The following MAP9 variants were observed in gnomAD, a reference collection of about 807,000 sequenced individuals.
The protein encoded by MAP9 is microtubule-associated protein 9.
A neutral mutation model predicts 75.2 loss-of-function variants in MAP9; 80 were observed. The ratio of observed to expected loss-of-function variants is 1.06; its 90% CI spans 0.89 to 1.28. The LOEUF is 1.28. Among genes scored for constraint, MAP9 ranks in the 50% most tolerant of loss-of-function variants. The pLI, the probability that MAP9 is intolerant of heterozygous loss-of-function variation, is 0.00. For synonymous variants in MAP9, 235 were observed against 237.3 expected (o/e 0.99, Z 0.09); for missense variants, 753 against 719.9 (o/e 1.05, Z -0.53).
At chr4:155,371,401 A>T (rs558926111) in intron 4 of MAP9, among the ~76,000 whole-genome samples, 1 of 152,074 alleles carries the variant, frequency 6.6e-6, no homozygotes, top group African/African-American at 2.4e-5. Context: ...TATATGCCAG[A>T]TATTATCTTA....
At position 155,342,859 on chromosome 4, in the gene MAP9, T is replaced by C. The variant is rs1731162718; in HGVS notation, c.*4924A>G. 6.6e-6 allele frequency: 1 copy of C among 152,010 alleles called. No individual in the cohort carries two copies. Among genetic ancestry groups the C allele is most frequent in the Non-Finnish European group, 1.5e-5 (1 of 67,952 alleles). 9.4% of individuals were successfully genotyped at this position (152,010 alleles called of 1,614,324 possible). ...ATTGTAATACTAGATACAAGATGTCTGAATAACTCCTTACATTTATAAATT... is the reference window on the plus strand; with the variant it reads ...ATTGTAATACTAGATACAAGATGTCCGAATAACTCCTTACATTTATAAATT... On this transcript the variant is annotated 3_prime_UTR_variant, in exon 14 of 14. Coordinates refer to ENST00000311277, the MANE Select transcript of MAP9 (RefSeq NM_001039580.2).
intron 4 of MAP9, among the ~76,000 whole-genome samples, chr4:155,369,566 G>A (rs1303998476): frequency 2.0e-5 from 3 of 152,080 alleles, no homozygotes; most frequent in South Asian, 2.1e-4. Flanking sequence ...CCCTGTACAC[G>A]TTACTAAACC....
At chr4:155,374,502 C>T (rs922528058) in intron 3 of MAP9, among the ~76,000 whole-genome samples, 8 of 152,070 alleles carry the variant, frequency 5.3e-5, no homozygotes, top group South Asian at 2.1e-4. Context: ...CCCCTTATCA[C>T]AGCCAAAAAA....
At chr4:155,374,605 CTAGGGTTGATCT>C in intron 3 of MAP9, among the ~76,000 whole-genome samples, 1 of 152,226 alleles carries the variant, frequency 6.6e-6, no homozygotes, top group African/African-American at 2.4e-5. Flanking sequence ...GTAGCACCTC[CTAGGGTTGATCT>C]TAAAGATGAA....
chr4:155,355,741 T>G lies in MAP9; in HGVS notation c.1265A>C (p.Asp422Ala). The change falls in exon 9 of 14, where the codon GAT becomes GCT. Residue 422 changes from aspartate to alanine, a missense_variant. By Grantham distance (126) the Asp-to-Ala change is moderately radical (BLOSUM62 -2). Coordinates refer to ENST00000311277, the MANE Select transcript of MAP9 (RefSeq NM_001039580.2). ...QKQSIEPDRA[D>A]NIRAAVYQEW... ...CTGATAAACAGCTGCCCTTATGTTA[T>G]CTGCTCTATCAGGTTCTATGCTCTG... 1.2e-6 allele frequency: 2 copies of G among 1,611,432 alleles called. No individual in the cohort carries two copies. Among genetic ancestry groups the G allele is most frequent in the Non-Finnish European group, 1.7e-6 (2 of 1,179,306 alleles).
At chr4:155,363,846 A>C (rs1732200616) in intron 5 of MAP9, among the ~76,000 whole-genome samples, 1 of 152,184 alleles carries the variant, frequency 6.6e-6, no homozygotes, top group Admixed American at 6.5e-5. Flanking sequence ...AAGAAATATA[A>C]ACAGAATCTC....
rs1731192940 is a variant in MAP9 at position 155,343,830 on chromosome 4, A to C, written c.*3953T>G. On this transcript the variant is annotated 3_prime_UTR_variant, in exon 14 of 14. Coordinates refer to ENST00000311277, the MANE Select transcript of MAP9 (RefSeq NM_001039580.2). Reference sequence around the variant, plus strand: ...AATTACATGTAATATACATATTCAAAATGGCATAATCACATGAAATTTTAA... The same window carrying C: ...AATTACATGTAATATACATATTCAACATGGCATAATCACATGAAATTTTAA... The C allele has an allele frequency of 6.6e-6, 1 of 151,938 alleles. No homozygotes were observed. Among genetic ancestry groups the C allele is most frequent in the South Asian group, 2.1e-4 (1 of 4,824 alleles). The allele number at this position is 151,938 out of a possible 1,614,324, so 9.4% of individuals were successfully genotyped here. A position where few individuals can be genotyped will look rare whatever the true frequency, so the allele number is the denominator to read the frequency against.
rs1307263102 is a variant in MAP9, at chr4:155,345,753, GTAAA to G, written c.*2026_*2029del. On this transcript the variant is annotated 3_prime_UTR_variant, in exon 14 of 14. Transcript: ENST00000311277. ...ATAATGTAGAAGAAAATAATGGAAA[GTAAA>G]TAAATAATGTGAAATCTATAAGATA... 2 of 152,206 alleles carry G rather than the reference GTAAA, an allele frequency of 1.3e-5. No homozygotes were observed. Among genetic ancestry groups the G allele is most frequent in the Admixed American group, 1.3e-4 (2 of 15,274 alleles). The allele number at this position is 152,206 out of a possible 1,614,324, so 9.4% of individuals were successfully genotyped here.
intron 6 of MAP9, 111 bp from the exon 7 acceptor site, chr4:155,360,526 T>C: frequency 9.7e-7 from 1 of 1,034,050 alleles, no homozygotes; most frequent in Non-Finnish European, 1.4e-6. Context: ...TCTTTTTTCT[T>C]GCAAAATATG....
rs1429035853 is a variant in MAP9, at chr4:155,373,341, C to CA, written c.275dup (p.Leu92PhefsTer5). The CA allele has an allele frequency of 1.9e-6, 3 of 1,613,198 alleles. No homozygotes were observed. Among genetic ancestry groups the CA allele is most frequent in the Admixed American group, 3.3e-5 (2 of 59,928 alleles). On this transcript the variant is annotated frameshift_variant, in exon 4 of 14. Coordinates refer to ENST00000311277, the MANE Select transcript of MAP9 (RefSeq NM_001039580.2). LOFTEE classifies it high-confidence loss of function. Reference sequence around the variant, plus strand: ...TGTTACCGTTTGATTTATTGGTTTTCAAAAACAATAGTTTTGAAGGATTCT... The same window carrying CA: ...TGTTACCGTTTGATTTATTGGTTTTCAAAAAACAATAGTTTTGAAGGATTCT...
At position 155,355,849 on chromosome 4, in the gene MAP9, G is replaced by C. The variant is rs1304946533; in HGVS notation, c.1157C>G (p.Ser386Cys). 4 of 1,613,488 alleles carry C rather than the reference G, an allele frequency of 2.5e-6. No homozygotes were observed. The highest frequency in any genetic ancestry group is 2.5e-6 in the Non-Finnish European group (3 of 1,179,712). The change falls in exon 9 of 14, where the codon TCT (serine) becomes TGT (cysteine). Residue 386 changes from serine (S) to cysteine (C), a missense_variant. By Grantham distance (112) the Ser-to-Cys change is moderately radical (BLOSUM62 -1). Coordinates refer to ENST00000311277, the MANE Select transcript of MAP9 (RefSeq NM_001039580.2). ...AGTTGTCGATGGAGTTCTCCTTTTA[G>C]AACTAGATTTCTTCAAAAACTCAGA... ...MTSEFLKKSS[S>C]KRRTPSTTTS...
Position 155,373,336 on chromosome 4 carries a change from G to A in MAP9, c.281C>T (p.Thr94Ile). 6.2e-7 allele frequency: 1 copy of A among 1,613,144 alleles called. No individual in the cohort carries two copies. The highest frequency in any genetic ancestry group is 8.5e-7 in the Non-Finnish European group (1 of 1,179,654). ...GGTTATGTTACCGTTTGATTTATTG[G>A]TTTTCAAAAACAATAGTTTTGAAGG... ...KNPSKLLFLK[T>I]NKSNGNITKD... The change falls in exon 4 of 14, where the codon ACC (threonine) becomes ATC (isoleucine). Residue 94 changes from threonine to isoleucine, a missense_variant. Transcript: ENST00000311277.
rs924773549 is a variant in MAP9, at chr4:155,345,523, A to G, written c.*2260T>C. ...AAGACAGAAATTTCTTCTTCCTAAA[A>G]ATGTGTAATGTCAAATAACCATTAT... On this transcript the variant is annotated 3_prime_UTR_variant, in exon 14 of 14. Coordinates refer to ENST00000311277, the MANE Select transcript of MAP9 (RefSeq NM_001039580.2). 2.0e-5 allele frequency: 3 copies of G among 152,034 alleles called. No individual in the cohort carries two copies. The highest frequency in any genetic ancestry group is 7.2e-5 in the African/African-American group (3 of 41,408). The allele number at this position is 152,034 out of a possible 1,614,324, so 9.4% of individuals were successfully genotyped here. A position where few individuals can be genotyped will look rare whatever the true frequency, so the allele number is the denominator to read the frequency against.
intron 13 of MAP9, among the ~76,000 whole-genome samples, chr4:155,352,106 C>T (rs148127967): frequency 4.0e-4 from 61 of 152,056 alleles, no homozygotes; most frequent in African/African-American, 1.4e-3. Flanking sequence ...CCTCCTAAAC[C>T]TCAAACCTGC....
chr4:155,368,474 T>C (rs563091801), intron 5 of MAP9, 112 bp downstream of exon 5: 65 of 849,342 alleles, frequency 7.7e-5, no homozygotes, highest in Non-Finnish European at 1.1e-4. Flanking sequence ...GAAGAAAGTA[T>C]GTAAAACACA....
At position 155,347,767 on chromosome 4, in the gene MAP9, G is replaced by C. The variant is rs1560799748; in HGVS notation, c.*16C>G. ...GCAAACCGATAAATAACCAAATAAT[G>C]TAAGAACTAGAATTATCAAAACACT... On this transcript the variant is annotated 3_prime_UTR_variant, in exon 14 of 14. Transcript: ENST00000311277. The C allele has an allele frequency of 1.3e-6, 2 of 1,576,454 alleles. No individual in the cohort carries two copies. Among genetic ancestry groups the C allele is most frequent in the Middle Eastern group, 1.7e-4 (1 of 5,906 alleles).
rs560552304 is a variant in MAP9 at position 155,355,121 on chromosome 4, G to A, written c.1330C>T (p.His444Tyr). The A allele has an allele frequency of 2.2e-5, 31 of 1,406,054 alleles. No individual in the cohort carries two copies. In the East Asian group the frequency reaches 4.6e-4, roughly 21 times the overall value. 87.1% of individuals were successfully genotyped at this position (1,406,054 alleles called of 1,614,324 possible). ...EKKNVYLHEMHRIKRIESENL... is the reference protein window; with the variant it reads ...EKKNVYLHEMYRIKRIESENL... Reference sequence around the variant, plus strand: ...TCACTTTCAATTCTTTTTATTCTGTGCATTTCATGTAAATACACATTTTTC... The same window carrying A: ...TCACTTTCAATTCTTTTTATTCTGTACATTTCATGTAAATACACATTTTTC... Residue 444 changes from histidine to tyrosine, a missense_variant, in exon 10 of 14, where the codon CAC becomes TAC. His to Tyr is a moderately conservative substitution (Grantham distance 83, BLOSUM62 2). Coordinates refer to ENST00000311277, the MANE Select transcript of MAP9 (RefSeq NM_001039580.2).
At chr4:155,365,118 CTT>C (rs2111254231) in intron 5 of MAP9, among the ~76,000 whole-genome samples, 1 of 151,972 alleles carries the variant, frequency 6.6e-6, no homozygotes, top group East Asian at 1.9e-4. Context: ...GATTGTCAGA[CTT>C]AATAAAAAAG....
intron 1 of MAP9, 29 bp from the exon 2 acceptor site, chr4:155,375,943 G>C (rs972274974): frequency 1.3e-6 from 1 of 797,362 alleles, no homozygotes; most frequent in Non-Finnish European, 2.1e-6. Context: ...ATCAGACTTC[G>C]CATGCTTCAG....
Sources: allele counts gnomAD v4.1 joint callset (sites outside exome capture counted in the v4.1 genomes callset), GRCh38; gene constraint gnomAD v4.1.1; transcripts MANE v1.5; gene names NCBI Gene and HGNC (gene_info 2026-07-23, HGNC 2026-07-21).